Variants in IL1RAPL2 observed in about 807,000 individuals in gnomAD.
IL1RAPL2 encodes the protein X-linked interleukin-1 receptor accessory protein-like 2.
A neutral mutation model predicts 44.1 loss-of-function variants in IL1RAPL2; 3 were observed. The observed-to-expected ratio is 0.07, with a 90% confidence interval of 0.03 to 0.18. The LOEUF (loss-of-function observed/expected upper bound fraction) is 0.18, where lower values mean the gene tolerates loss of function less well. Among genes scored for constraint, IL1RAPL2 ranks in the 10% least tolerant of loss-of-function variants. The probability of loss-of-function intolerance (pLI) is 1.00; values close to 1 mark genes in which losing one functional copy is unlikely to be tolerated. For missense variants in IL1RAPL2, 391 were observed against 496.4 expected (o/e 0.79, Z 2.02); for synonymous variants, 181 against 178.8 (o/e 1.01, Z -0.10).
intron 2 of IL1RAPL2, among the ~76,000 whole-genome samples, chrX:105,023,660 A>C: frequency 9.0e-6 from 1 of 111,493 alleles, no homozygotes; most frequent in Non-Finnish European, 1.9e-5. Flanking sequence ...TGGATTCCAA[A>C]TAATATCAGA....
At chrX:105,230,414 C>G (rs2034058177) in intron 3 of IL1RAPL2, among the ~76,000 whole-genome samples, 1 of 108,327 alleles carries the variant, frequency 9.2e-6, no homozygotes, top group Non-Finnish European at 1.9e-5. Context: ...ATTATTATAT[C>G]ACATGTAAAT....
chrX:105,077,040 T>C (rs1476205193), intron 2 of IL1RAPL2, among the ~76,000 whole-genome samples: 5 of 110,921 alleles, frequency 4.5e-5, no homozygotes, highest in African/African-American at 1.3e-4. Flanking sequence ...TTAGCCCATT[T>C]ACATTTAAGG....
chrX:104,604,404 G>C (rs1254332138), intron 1 of IL1RAPL2, among the ~76,000 whole-genome samples: 3 of 110,566 alleles, frequency 2.7e-5, no homozygotes, highest in Non-Finnish European at 5.7e-5. Flanking sequence ...TCAACTAATG[G>C]TCAAAACAAC....
At chrX:104,960,009 ATTATT>A (rs760684622) in intron 2 of IL1RAPL2, among the ~76,000 whole-genome samples, 2 of 111,875 alleles carry the variant, frequency 1.8e-5, no homozygotes, top group African/African-American at 3.2e-5. Flanking sequence ...TTTTCTCATT[ATTATT>A]TTAAGTCTTT....
At chrX:105,750,535 C>T (rs959219532) in intron 9 of IL1RAPL2, among the ~76,000 whole-genome samples, 2 of 106,588 alleles carry the variant, frequency 1.9e-5, no homozygotes, top group Admixed American at 2.1e-4. Flanking sequence ...CAAATTCTTG[C>T]ATTCAAGTAA....
chrX:105,553,655 A>G (rs967459100), intron 6 of IL1RAPL2, among the ~76,000 whole-genome samples: 3 of 112,247 alleles, frequency 2.7e-5, no homozygotes, highest in Non-Finnish European at 3.8e-5. Context: ...CAGTTAATTA[A>G]TATTTATGCT....
At chrX:105,171,950 A>C (rs1325840227) in intron 2 of IL1RAPL2, among the ~76,000 whole-genome samples, 1 of 112,391 alleles carries the variant, frequency 8.9e-6, no homozygotes. Flanking sequence ...TGACAGTGTC[A>C]AATCATAGAT....
intron 2 of IL1RAPL2, among the ~76,000 whole-genome samples, chrX:105,038,111 G>T (rs1036768542): frequency 9.0e-6 from 1 of 111,060 alleles, no homozygotes; most frequent in African/African-American, 3.3e-5. Flanking sequence ...CACAAACTCT[G>T]CCCCTCAGAC....
At chrX:104,830,354 A>G (rs1921572255) in intron 2 of IL1RAPL2, among the ~76,000 whole-genome samples, 1 of 111,369 alleles carries the variant, frequency 9.0e-6, no homozygotes, top group South Asian at 3.8e-4. Context: ...GAAATATATC[A>G]CTATGGTATG....
chrX:105,220,294 T>C (rs2033943782), intron 3 of IL1RAPL2: 1 of 1,210,854 alleles, frequency 8.3e-7, no homozygotes, highest in Non-Finnish European at 1.1e-6. Context: ...ATTCTCAAGA[T>C]AGAACTCGGG....
intron 2 of IL1RAPL2, among the ~76,000 whole-genome samples, chrX:104,918,419 A>G (rs1459508690): frequency 8.9e-6 from 1 of 111,945 alleles, no homozygotes; most frequent in Non-Finnish European, 1.9e-5. Context: ...TAACTGGAAA[A>G]AAAACAAAAA....
At chrX:105,075,453 A>G (rs1348801937) in intron 2 of IL1RAPL2, among the ~76,000 whole-genome samples, 4 of 111,575 alleles carry the variant, frequency 3.6e-5, no homozygotes, top group African/African-American at 1.3e-4. Flanking sequence ...CCAGTATTTT[A>G]TTGAGGATTT....
At chrX:105,051,500 G>A (rs892891404) in intron 2 of IL1RAPL2, among the ~76,000 whole-genome samples, 2 of 112,786 alleles carry the variant, frequency 1.8e-5, no homozygotes, top group Non-Finnish European at 3.8e-5. Context: ...ATCCGAGAGG[G>A]CAGATCCCCC....
chrX:105,136,702 A>G, intron 2 of IL1RAPL2, among the ~76,000 whole-genome samples: 1 of 112,277 alleles, frequency 8.9e-6, no homozygotes, highest in Non-Finnish European at 1.9e-5. Context: ...AAACTTTCCC[A>G]TTGTCTTCTA....
At chrX:104,795,819 G>T (rs1932846787) in intron 2 of IL1RAPL2, among the ~76,000 whole-genome samples, 1 of 112,181 alleles carries the variant, frequency 8.9e-6, no homozygotes, top group South Asian at 3.7e-4. Context: ...ACACAAGGAT[G>T]TCATCTTCAG....
rs755615228 is a variant in IL1RAPL2 at position 105,003,484 on chromosome X, CCTCT to C, written c.83-191985_83-191982del. On this transcript the variant is annotated intron_variant, in intron 2 of 10. Transcript: ENST00000372582. ...TTTTCACATCATATTTATGTTATAT[CCTCT>C]CTCTCACGTGCATGTGCATGCCTCC... Among the ~76,000 whole-genome samples the C allele has an allele frequency of 3.3e-4, 37 of 111,088 alleles. No homozygotes were observed. The East Asian group carries it at 6.3e-3, about 19-fold the overall frequency.
At chrX:104,915,807 AC>A (rs1924406173) in intron 2 of IL1RAPL2, among the ~76,000 whole-genome samples, 1 of 111,785 alleles carries the variant, frequency 8.9e-6, no homozygotes, top group African/African-American at 3.3e-5. Flanking sequence ...TTTTCCCAGC[AC>A]CATTTATTAA....
intron 2 of IL1RAPL2, among the ~76,000 whole-genome samples, chrX:105,035,145 CCTTT>C (rs1412842680): frequency 9.0e-6 from 1 of 111,602 alleles, no homozygotes; most frequent in Non-Finnish European, 1.9e-5. Flanking sequence ...GTCTGTCACC[CCTTT>C]CTTTGACTAG....
At chrX:105,126,490 A>G (rs2032976262) in intron 2 of IL1RAPL2, among the ~76,000 whole-genome samples, 1 of 111,198 alleles carries the variant, frequency 9.0e-6, no homozygotes, top group Non-Finnish European at 1.9e-5. Flanking sequence ...TTCCCTATGT[A>G]GTAATTTGTT....
Sources: gnomAD v4.1 joint callset for allele counts (sites outside exome capture counted in the v4.1 genomes callset) on GRCh38, gnomAD v4.1.1 for gene constraint, MANE v1.5 for transcripts, NCBI Gene and HGNC (gene_info 2026-07-23, HGNC 2026-07-21) for gene names.